Variants in RREB1 observed in about 807,000 individuals in gnomAD.
RREB1 encodes ras responsive element binding protein 1.
Under a neutral mutation model 117.8 loss-of-function variants are expected in RREB1, and 27 were observed. The observed-to-expected ratio is 0.23, with a 90% CI of 0.17 to 0.32. RREB1 has a LOEUF of 0.32. Ranked by LOEUF, RREB1 falls within the 10% of genes least tolerant of loss-of-function variation. RREB1 has a pLI of 1.00. For missense variants in RREB1, 2,577 were observed against 2,378.2 expected (o/e 1.08, Z -1.74); for synonymous variants, 1,298 against 1,026.7 (o/e 1.26, Z -5.05).
intron 1 of RREB1, among the ~76,000 whole-genome samples, chr6:7,111,333 C>T (rs553741634): frequency 1.8e-4 from 28 of 152,120 alleles, no homozygotes; most frequent in Non-Finnish European, 3.4e-4. Flanking sequence ...AAGGAAATGT[C>T]CTAGTTAATG....
chr6:7,132,097 C>T (rs1423775373), intron 1 of RREB1, among the ~76,000 whole-genome samples: 2 of 152,076 alleles, frequency 1.3e-5, no homozygotes, highest in African/African-American at 4.8e-5. Flanking sequence ...TCTTGTTGCC[C>T]AGGCTGGAGT....
chr6:7,167,309 A>G (rs879564163), intron 1 of RREB1, among the ~76,000 whole-genome samples: 1 of 147,710 alleles, frequency 6.8e-6, no homozygotes, highest in Non-Finnish European at 1.5e-5. Context: ...AAGCCAAATT[A>G]TATTTATTTT....
At chr6:7,146,505 T>G (rs558660296) in intron 1 of RREB1, among the ~76,000 whole-genome samples, 1 of 152,138 alleles carries the variant, frequency 6.6e-6, no homozygotes, top group Non-Finnish European at 1.5e-5. Context: ...CTGCTGGAAG[T>G]ATCCACAGTT....
intron 6 of RREB1, among the ~76,000 whole-genome samples, chr6:7,193,126 A>G (rs1427119354): frequency 2.0e-5 from 3 of 152,178 alleles, no homozygotes; most frequent in Non-Finnish European, 2.9e-5. Context: ...TCATTCCATT[A>G]TGGTCGGGGA....
chr6:7,112,210 C>T (rs2113278662), intron 1 of RREB1, among the ~76,000 whole-genome samples: 1 of 152,292 alleles, frequency 6.6e-6, no homozygotes, highest in East Asian at 1.9e-4. Context: ...GTGTGATGTA[C>T]ATTACATTTC....
chr6:7,129,024 T>C (rs1478734411), intron 1 of RREB1, among the ~76,000 whole-genome samples: 1 of 152,204 alleles, frequency 6.6e-6, no homozygotes, highest in African/African-American at 2.4e-5. Flanking sequence ...TCCAGCTTCA[T>C]CTGAAATATC....
chr6:7,203,352 A>C (rs1010255045), intron 6 of RREB1, among the ~76,000 whole-genome samples: 1 of 152,206 alleles, frequency 6.6e-6, no homozygotes, highest in Non-Finnish European at 1.5e-5. Context: ...GCAAGATTCT[A>C]TTTCCAAAAA....
intron 1 of RREB1, among the ~76,000 whole-genome samples, chr6:7,133,538 A>G (rs1762237154): frequency 6.6e-6 from 1 of 152,156 alleles, no homozygotes; most frequent in Admixed American, 6.5e-5. Flanking sequence ...CCTGGGCAAC[A>G]TTGTGAGACT....
At chr6:7,125,019 A>T (rs878964438) in intron 1 of RREB1, among the ~76,000 whole-genome samples, 5 of 152,216 alleles carry the variant, frequency 3.3e-5, no homozygotes, top group Admixed American at 2.6e-4. Context: ...TCGAGGGGAA[A>T]ACTGTTCTGG....
chr6:7,187,593 C>T (rs377431812), intron 5 of RREB1, 70 bp downstream of exon 5: 867 of 488,534 alleles, frequency 1.8e-3, no homozygotes, highest in South Asian at 5.0e-3. Flanking sequence ...TTATTTTAGT[C>T]AAGTGCAGTA....
At chr6:7,180,256 A>G (rs1764721475) in intron 2 of RREB1, among the ~76,000 whole-genome samples, 1 of 152,160 alleles carries the variant, frequency 6.6e-6, no homozygotes, top group African/African-American at 2.4e-5. Flanking sequence ...CCTTTTGGTA[A>G]GAATTTAGGC....
chr6:7,167,267 G>A (rs1456272622), intron 1 of RREB1, among the ~76,000 whole-genome samples: 3 of 151,718 alleles, frequency 2.0e-5, no homozygotes, highest in Non-Finnish European at 4.4e-5. Flanking sequence ...GTCAGCAGCT[G>A]TTCTCATTGG....
intron 1 of RREB1, among the ~76,000 whole-genome samples, chr6:7,113,074 T>G (rs1030617145): frequency 1.3e-5 from 2 of 152,212 alleles, no homozygotes; most frequent in East Asian, 3.9e-4. Context: ...GGGTGGAGAT[T>G]GTTTGTTCAG....
chr6:7,146,066 C>CT (rs780428124), intron 1 of RREB1, among the ~76,000 whole-genome samples: 13 of 151,806 alleles, frequency 8.6e-5, no homozygotes, highest in African/African-American at 3.2e-4. Flanking sequence ...CCCCCCAGGA[C>CT]TTTAATACAT....
At chr6:7,239,407 C>T (rs567545782) in intron 10 of RREB1, among the ~76,000 whole-genome samples, 15 of 152,228 alleles carry the variant, frequency 9.9e-5, no homozygotes, top group Non-Finnish European at 1.9e-4. Flanking sequence ...CTCCCTCCTC[C>T]TCTCTTTTCC....
At chr6:7,217,345 A>G (rs1468752699) in intron 8 of RREB1, 1 of 152,224 alleles carries the variant, frequency 6.6e-6, no homozygotes, top group African/African-American at 2.4e-5. Context: ...GGAATTCAGT[A>G]TCTGAAGGAA....
At chr6:7,158,566 A>C (rs903695012) in intron 1 of RREB1, among the ~76,000 whole-genome samples, 2 of 151,982 alleles carry the variant, frequency 1.3e-5, no homozygotes, top group Non-Finnish European at 2.9e-5. Flanking sequence ...CTCCACCTCC[A>C]TACCCTTCCT....
chr6:7,167,014 C>G (rs543303510), intron 1 of RREB1, among the ~76,000 whole-genome samples: 9 of 152,280 alleles, frequency 5.9e-5, no homozygotes, highest in South Asian at 2.1e-4. Context: ...GAGATGTGTC[C>G]CAGAACACTC....
chr6:7,156,922 G>A (rs1581464936), intron 1 of RREB1, among the ~76,000 whole-genome samples: 1 of 152,152 alleles, frequency 6.6e-6, no homozygotes, highest in Non-Finnish European at 1.5e-5. Context: ...GAGATCACAT[G>A]GTCTTAAATG....
Sources: allele counts gnomAD v4.1 joint callset (sites outside exome capture counted in the v4.1 genomes callset), GRCh38; gene constraint gnomAD v4.1.1; transcripts MANE v1.5; gene names NCBI Gene and HGNC (gene_info 2026-07-23, HGNC 2026-07-21).